CUL1: variants seen among roughly 807,000 people sequenced by gnomAD.
The protein encoded by CUL1 is cullin 1.
CUL1 carries 24 observed loss-of-function variants against 118.0 expected under a neutral mutation model. That is an observed-to-expected ratio of 0.20 (90% CI 0.15 to 0.29). CUL1 has a LOEUF of 0.29. CUL1 is among the 10% of genes least tolerant of loss of function. The pLI is 1.00. For missense variants in CUL1, 361 were observed against 933.8 expected, an observed-to-expected ratio of 0.39 and a Z score of 7.99; for synonymous variants, 332 against 340.4, an observed-to-expected ratio of 0.98 and a Z score of 0.27.
rs559311481 is a variant in CUL1, at chr7:148,762,982, A to G, written c.789+2486A>G. Among the ~76,000 whole-genome samples the G allele has an allele frequency of 9.9e-5, 15 of 152,266 alleles. No homozygotes were observed. In the South Asian group the frequency reaches 2.3e-3, roughly 23 times the overall value. ...GCCAGCATGGTGAAACCCTCTCTCT[A>G]ATAAAAATACAAAAATTAGCCAAGT... On this transcript the variant is annotated intron_variant, in intron 7 of 21. Coordinates refer to ENST00000325222, the MANE Select transcript of CUL1 (RefSeq NM_003592.3).
At chr7:148,784,106 A>ATGCC in intron 11 of CUL1, 29 bp downstream of exon 11, 4 of 1,532,848 alleles carry the variant, frequency 2.6e-6, no homozygotes, top group Non-Finnish European at 3.6e-6. Flanking sequence ...TTTTCTTAGT[A>ATGCC]TGCCTGTTTA....
At chr7:148,717,763 G>T (rs1221251348) in intron 1 of CUL1, among the ~76,000 whole-genome samples, 1 of 152,026 alleles carries the variant, frequency 6.6e-6, no homozygotes, top group Non-Finnish European at 1.5e-5. Context: ...CTCTACTGCT[G>T]TTCAAATCCT....
intron 7 of CUL1, among the ~76,000 whole-genome samples, chr7:148,764,059 C>T (rs746453965): frequency 2.0e-5 from 3 of 152,190 alleles, no homozygotes; most frequent in Non-Finnish European, 4.4e-5. Context: ...ATCTGAGCTA[C>T]AGAAACTCTG....
chr7:148,749,415 CA>C (rs61460309), intron 2 of CUL1, among the ~76,000 whole-genome samples: 58 of 56,454 alleles, frequency 1.0e-3, no homozygotes, highest in East Asian at 4.3e-3. Flanking sequence ...GACTCCATCT[CA>C]AAAAAAAAAA....
chr7:148,794,392 G>A (rs1465304542), intron 17 of CUL1, among the ~76,000 whole-genome samples: 2 of 152,114 alleles, frequency 1.3e-5, no homozygotes, highest in East Asian at 1.9e-4. Context: ...GTATATATGG[G>A]TTTATTTCTG....
intron 2 of CUL1, among the ~76,000 whole-genome samples, chr7:148,743,880 CCACTG>C (rs1799223970): frequency 6.6e-6 from 1 of 152,172 alleles, no homozygotes; most frequent in Non-Finnish European, 1.5e-5. Context: ...CGAGATGGCA[CCACTG>C]CACTCCAGCC....
intron 7 of CUL1, among the ~76,000 whole-genome samples, chr7:148,763,751 A>G (rs943676485): frequency 4.6e-5 from 7 of 152,334 alleles, no homozygotes; most frequent in African/African-American, 1.7e-4. Context: ...ACCACAGGAT[A>G]AAGGGTGGCA....
At chr7:148,751,663 T>C (rs1799496474) in intron 2 of CUL1, among the ~76,000 whole-genome samples, 1 of 151,696 alleles carries the variant, frequency 6.6e-6, no homozygotes, top group Non-Finnish European at 1.5e-5. Context: ...AAAAAATAGG[T>C]ATCTGCCAAA....
At chr7:148,785,150 A>AT (rs971673999) in intron 11 of CUL1, among the ~76,000 whole-genome samples, 5 of 151,366 alleles carry the variant, frequency 3.3e-5, no homozygotes, top group African/African-American at 9.7e-5. Context: ...TGAGTGTTTG[A>AT]TTTTTTTTTC....
At chr7:148,760,877 C>G (rs1028357297) in intron 7 of CUL1, among the ~76,000 whole-genome samples, 32 of 152,296 alleles carry the variant, frequency 2.1e-4, no homozygotes, top group African/African-American at 7.5e-4. Context: ...CCCTAAGAAT[C>G]TATTACATAG....
Position 148,739,095 on chromosome 7 carries a change from A to G in CUL1, c.140+8833A>G, listed in dbSNP as rs957914076. Among the ~76,000 whole-genome samples the G allele has an allele frequency of 1.2e-4, 19 of 152,182 alleles. 1 individual carries two copies. Among genetic ancestry groups the G allele is most frequent in the African/African-American group, 3.6e-4 (15 of 41,432 alleles). Reference sequence around the variant, plus strand: ...GGCACACCTCATAATTCAGGAATACATCCGTTTCACAGTCCTTCCTTGAAC... The same window carrying G: ...GGCACACCTCATAATTCAGGAATACGTCCGTTTCACAGTCCTTCCTTGAAC... On this transcript the variant is annotated intron_variant, in intron 2 of 21. Transcript: ENST00000325222.
In CUL1 at chr7:148,737,570, ATT is replaced by A. The variant is rs374704765; in HGVS notation, c.140+7312_140+7313del. Among the ~76,000 whole-genome samples the A allele has an allele frequency of 1.8e-4, 20 of 111,938 alleles. 1 individual carries two copies. The highest frequency in any genetic ancestry group is 8.9e-4 in the African/African-American group (12 of 13,516). The allele number at this position is 111,938 out of a possible 152,430, so 73.4% of individuals were successfully genotyped here. A position where few individuals can be genotyped will look rare whatever the true frequency, so the allele number is the denominator to read the frequency against. ...TATGTGTGTGTGTGTATATATATAT[ATT>A]TTTATATTTATTTATTTATTTATTT... On this transcript the variant is annotated intron_variant, in intron 2 of 21. Coordinates refer to ENST00000325222, the MANE Select transcript of CUL1 (RefSeq NM_003592.3).
intron 2 of CUL1, among the ~76,000 whole-genome samples, chr7:148,743,148 C>G (rs1234380169): frequency 6.6e-6 from 1 of 152,140 alleles, no homozygotes; most frequent in Non-Finnish European, 1.5e-5. Context: ...TAATTTCCGT[C>G]CTTTTAAATG....
chr7:148,721,581 T>G (rs1340033824), intron 1 of CUL1, among the ~76,000 whole-genome samples: 1 of 152,206 alleles, frequency 6.6e-6, no homozygotes, highest in African/African-American at 2.4e-5. Flanking sequence ...CAGTAGCCAG[T>G]GTTTTAAGCA....
At chr7:148,752,540 G>A (rs1799521907) in intron 2 of CUL1, among the ~76,000 whole-genome samples, 2 of 151,160 alleles carry the variant, frequency 1.3e-5, no homozygotes, top group Admixed American at 1.3e-4. Flanking sequence ...GATTTTCTGT[G>A]GTATATTTTG....
At chr7:148,734,534 G>A (rs938423124) in intron 2 of CUL1, among the ~76,000 whole-genome samples, 1 of 152,176 alleles carries the variant, frequency 6.6e-6, no homozygotes, top group Non-Finnish European at 1.5e-5. Context: ...ATGAACCACC[G>A]CACCTGGCCT....
chr7:148,708,291 T>C (rs1393911833), intron 1 of CUL1, among the ~76,000 whole-genome samples: 1 of 152,186 alleles, frequency 6.6e-6, no homozygotes, highest in Non-Finnish European at 1.5e-5. Context: ...AACTGATCTC[T>C]TTTTTGCTCC....
intron 17 of CUL1, among the ~76,000 whole-genome samples, chr7:148,796,447 G>T (rs183353948): frequency 6.6e-6 from 1 of 152,106 alleles, no homozygotes; most frequent in Non-Finnish European, 1.5e-5. Flanking sequence ...TTTGGTTTTC[G>T]TGTCTGGCTA....
intron 17 of CUL1, among the ~76,000 whole-genome samples, chr7:148,797,586 G>A (rs1465503856): frequency 6.6e-6 from 1 of 151,990 alleles, no homozygotes; most frequent in Non-Finnish European, 1.5e-5. Context: ...TGTGATCAAG[G>A]CCAGAAAGGG....
Sources: gnomAD v4.1 joint callset for allele counts (sites outside exome capture counted in the v4.1 genomes callset) on GRCh38, gnomAD v4.1.1 for gene constraint, MANE v1.5 for transcripts, NCBI Gene and HGNC (gene_info 2026-07-23, HGNC 2026-07-21) for gene names.